P2RY8: variants seen among roughly 807,000 people sequenced by gnomAD.
The protein encoded by P2RY8 is P2Y receptor family member 8.
P2RY8 carries 6 observed loss-of-function variants against 10.0 expected under a neutral mutation model. The observed-to-expected ratio is 0.60, with a 90% CI of 0.33 to 1.19. The LOEUF (loss-of-function observed/expected upper bound fraction) is 1.19. Among genes scored for constraint, P2RY8 ranks in the 50% most tolerant of loss-of-function variants. P2RY8 has a pLI of 0.04. For synonymous variants in P2RY8, 276 were observed against 252.5 expected (o/e 1.09, Z -0.88); for missense variants, 456 against 542.0 (o/e 0.84, Z 1.58).
At chrX:1,484,670 G>T (rs1282399029) in intron 1 of P2RY8, among the ~76,000 whole-genome samples, 2 of 139,496 alleles carry the variant, frequency 1.4e-5, no homozygotes, top group African/African-American at 5.3e-5. Flanking sequence ...GGAGGTTGCA[G>T]TGAGCTGAGA....
chrX:1,497,475 C>T (rs1389687619), intron 1 of P2RY8, among the ~76,000 whole-genome samples: 7 of 150,756 alleles, frequency 4.6e-5, no homozygotes, highest in African/African-American at 1.2e-4. Flanking sequence ...CTGGCCAAGA[C>T]GGTGAAACCC....
chrX:1,491,181 TAG>T lies in P2RY8; in HGVS notation c.-24-24601_-24-24600del, dbSNP rs1392898696. Among the ~76,000 whole-genome samples the T allele has an allele frequency of 2.0e-5, 3 of 149,514 alleles. No homozygotes were observed. In the South Asian group the frequency reaches 6.4e-4, roughly 32 times the overall value. Reference sequence around the variant, plus strand: ...TACCCCAGATTCACTTCTGCAAATGTAGAGAGAATGAATGAATGATACCCAGA... The same window carrying T: ...TACCCCAGATTCACTTCTGCAAATGTAGAGAATGAATGAATGATACCCAGA... On this transcript the variant is annotated intron_variant, in intron 1 of 1. Coordinates refer to ENST00000381297, the MANE Select transcript of P2RY8 (RefSeq NM_178129.5).
intron 1 of P2RY8, among the ~76,000 whole-genome samples, chrX:1,513,465 T>A (rs1462568094): frequency 2.6e-5 from 4 of 151,328 alleles, no homozygotes; most frequent in African/African-American, 4.9e-5. Flanking sequence ...GCTCCAGGCA[T>A]CCCTGGGCTT....
intron 1 of P2RY8, among the ~76,000 whole-genome samples, chrX:1,519,712 C>G (rs777713227): frequency 2.6e-5 from 4 of 152,166 alleles, no homozygotes; most frequent in African/African-American, 9.6e-5. Flanking sequence ...AATCATCTCT[C>G]TGGTTACCAA....
chrX:1,531,068 GTCTATCTA>G lies in P2RY8; in HGVS notation c.-25+5845_-25+5852del, dbSNP rs1231360384. Among the ~76,000 whole-genome samples, 178 of 149,928 alleles carry G rather than the reference GTCTATCTA, an allele frequency of 1.2e-3. 1 individual carries two copies. In the East Asian group the frequency reaches 0.014, roughly 12 times the overall value. On this transcript the variant is annotated intron_variant, in intron 1 of 1. Transcript: ENST00000381297. The stretch of plus-strand genomic sequence containing the variant: ...ATTCTATCTATCTGTCTGTCTGTCT[GTCTATCTA>G]TCTATCTATCTATCTATCTATCTAA...
At chrX:1,524,645 A>ATCCATCCATC (rs1569538712) in intron 1 of P2RY8, among the ~76,000 whole-genome samples, 6 of 42,212 alleles carry the variant, frequency 1.4e-4, no homozygotes, top group Admixed American at 4.8e-4. Flanking sequence ...ATCCATCCAT[A>ATCCATCCATC]CATCCATCCA....
chrX:1,498,405 CAAAAAAA>C (rs1175667773), intron 1 of P2RY8, among the ~76,000 whole-genome samples: 7 of 70,630 alleles, frequency 9.9e-5, no homozygotes, highest in Non-Finnish European at 1.8e-4. Context: ...GACTCTGTCT[CAAAAAAA>C]AAAAAAAAAA....
intron 1 of P2RY8, among the ~76,000 whole-genome samples, chrX:1,492,231 A>G (rs1271772542): frequency 1.3e-5 from 2 of 152,088 alleles, no homozygotes; most frequent in Admixed American, 1.3e-4. Flanking sequence ...AAGCCTGTCA[A>G]TCACCCAAGA....
At chrX:1,484,060 CAAAGCTGGGCCCTTATATACCTAA>C (rs1341782045) in intron 1 of P2RY8, among the ~76,000 whole-genome samples, 2 of 152,034 alleles carry the variant, frequency 1.3e-5, no homozygotes, top group Non-Finnish European at 2.9e-5. Context: ...CCCCTAAACC[CAAAGCTGGGCCCTTATATACCTAA>C]AAAGCTGGGT....
At chrX:1,504,243 G>A (rs2092208534) in intron 1 of P2RY8, among the ~76,000 whole-genome samples, 1 of 151,960 alleles carries the variant, frequency 6.6e-6, no homozygotes, top group African/African-American at 2.4e-5. Flanking sequence ...TGGAACCCGG[G>A]AGGCGGAGGT....
chrX:1,504,494 C>G (rs1246677965), intron 1 of P2RY8, among the ~76,000 whole-genome samples: 12 of 152,172 alleles, frequency 7.9e-5, no homozygotes, highest in Admixed American at 2.0e-4. Context: ...ATAGGTTTCA[C>G]TTCCTGCTAC....
At position 1,515,950 on chromosome X, in the gene P2RY8, G is replaced by GC. The variant is rs1258600564; in HGVS notation, c.-25+20970_-25+20971insG. Among the ~76,000 whole-genome samples, 541 of 88,890 alleles carry GC rather than the reference G, an allele frequency of 6.1e-3. 25 individuals are homozygous for GC. Among genetic ancestry groups the GC allele is most frequent in the African/African-American group, 0.015 (510 of 33,202 alleles). 58.3% of individuals were successfully genotyped at this position (88,890 alleles called of 152,430 possible). A position where few individuals can be genotyped will look rare whatever the true frequency, so the allele number is the denominator to read the frequency against. ...GCACTTTGGGAGGCCGAGGGGTCGGGGGGTGGTGGATCACCTGAGGTCAGG... is the reference window on the plus strand; with the variant it reads ...GCACTTTGGGAGGCCGAGGGGTCGGGCGGGTGGTGGATCACCTGAGGTCAGG... On this transcript the variant is annotated intron_variant, in intron 1 of 1. Transcript: ENST00000381297.
At chrX:1,524,606 T>TTC (rs1569538707) in intron 1 of P2RY8, among the ~76,000 whole-genome samples, 3 of 16,502 alleles carry the variant, frequency 1.8e-4, no homozygotes, top group Non-Finnish European at 3.5e-4. Context: ...TTCATCCATC[T>TTC]ATCCATCCAT....
intron 1 of P2RY8, among the ~76,000 whole-genome samples, chrX:1,481,454 G>A (rs187036545): frequency 3.9e-4 from 60 of 152,274 alleles, no homozygotes; most frequent in African/African-American, 1.4e-3. Flanking sequence ...GTGAGCCACC[G>A]TGCCCGGCCA....
chrX:1,524,433 C>CCACT (rs2149411468), intron 1 of P2RY8, among the ~76,000 whole-genome samples: 1 of 140,458 alleles, frequency 7.1e-6, no homozygotes, highest in East Asian at 2.1e-4. Context: ...ATCCATCCAT[C>CCACT]CATCCATTCA....
At chrX:1,511,348 C>A (rs1189036577) in intron 1 of P2RY8, among the ~76,000 whole-genome samples, 2 of 152,168 alleles carry the variant, frequency 1.3e-5, no homozygotes, top group African/African-American at 4.8e-5. Context: ...ATTCATAGCT[C>A]CTCCTGTAAC....
At chrX:1,474,572 ATGGAT>A (rs2091852382) in intron 1 of P2RY8, among the ~76,000 whole-genome samples, 1 of 111,008 alleles carries the variant, frequency 9.0e-6, no homozygotes, top group Non-Finnish European at 1.8e-5. Flanking sequence ...GGATGGATGG[ATGGAT>A]GGATGGATGG....
chrX:1,532,204 C>A (rs2092479932), intron 1 of P2RY8, among the ~76,000 whole-genome samples: 1 of 151,924 alleles, frequency 6.6e-6, no homozygotes, highest in Non-Finnish European at 1.5e-5. Flanking sequence ...AAATGCCCAT[C>A]AATCAACAGG....
chrX:1,468,434 G>A (rs1318684260), intron 1 of P2RY8, among the ~76,000 whole-genome samples: 1 of 152,112 alleles, frequency 6.6e-6, no homozygotes, highest in African/African-American at 2.4e-5. Flanking sequence ...TGTGGCCACC[G>A]GACAGCCCCC....
Sources: allele counts gnomAD v4.1 joint callset (sites outside exome capture counted in the v4.1 genomes callset), GRCh38; gene constraint gnomAD v4.1.1; transcripts MANE v1.5; gene names NCBI Gene and HGNC (gene_info 2026-07-23, HGNC 2026-07-21).